Variants in RAB11FIP2 observed in about 807,000 individuals in gnomAD.
RAB11FIP2 encodes rab11 family-interacting protein 2.
RAB11FIP2 carries 16 observed loss-of-function variants against 40.9 expected under a neutral mutation model. The observed-to-expected ratio is 0.39, with a 90% CI of 0.26 to 0.59. The LOEUF (loss-of-function observed/expected upper bound fraction) is 0.59. Ranked by LOEUF, RAB11FIP2 falls within the 20% of genes least tolerant of loss-of-function variation. The probability of loss-of-function intolerance (pLI) is 0.53; values close to 1 mark genes in which losing one functional copy is unlikely to be tolerated. For missense variants in RAB11FIP2, 532 were observed against 606.2 expected, an observed-to-expected ratio of 0.88 and a Z score of 1.28; for synonymous variants, 228 against 213.7, an observed-to-expected ratio of 1.07 and a Z score of -0.58.
At chr10:118,020,254 C>T (rs1002680898) in intron 3 of RAB11FIP2, among the ~76,000 whole-genome samples, 39 of 152,194 alleles carry the variant, frequency 2.6e-4, no homozygotes, top group African/African-American at 9.4e-4. Context: ...TCTAAACTGT[C>T]AGTTCTACTG....
Position 118,007,027 on chromosome 10 carries a change from T to C in RAB11FIP2, c.*1971A>G, listed in dbSNP as rs1846098037. On this transcript the variant is annotated 3_prime_UTR_variant, in exon 5 of 5. Transcript: ENST00000355624. ...TTGGCCAAAGCATATTATTATAGTA[T>C]CTGCAGATACTGTCATAATACTGAA... The C allele has an allele frequency of 6.6e-6, 1 of 152,430 alleles. No individual in the cohort carries two copies. Among genetic ancestry groups the C allele is most frequent in the Non-Finnish European group, 1.5e-5 (1 of 67,924 alleles). The allele number at this position is 152,430 out of a possible 1,614,324, so 9.4% of individuals were successfully genotyped here.
Position 118,038,954 on chromosome 10 carries a change from C to T in RAB11FIP2, c.1265+18G>A. ...AAGATTTTCCCAAATAGTAGAACTT[C>T]CCCCATATTAAGCTTACCTTGAAGA... On this transcript the variant is annotated intron_variant, in intron 3 of 4. Coordinates refer to ENST00000355624, the MANE Select transcript of RAB11FIP2 (RefSeq NM_014904.3). The T allele has an allele frequency of 2.0e-6, 3 of 1,496,838 alleles. No individual in the cohort carries two copies. The highest frequency in any genetic ancestry group is 2.7e-6 in the Non-Finnish European group (3 of 1,108,532). 92.7% of individuals were successfully genotyped at this position (1,496,838 alleles called of 1,614,324 possible). A position where few individuals can be genotyped will look rare whatever the true frequency, so the allele number is the denominator to read the frequency against.
chr10:118,046,116 C>A lies in RAB11FIP2; in HGVS notation c.48G>T (p.Gln16His). Residue 16 changes from glutamine (Q) to histidine (H), a missense_variant, in exon 1 of 5, where the codon CAG becomes CAT. Physicochemically the swap from Gln to His is conservative, Grantham distance 24. Coordinates refer to ENST00000355624, the MANE Select transcript of RAB11FIP2 (RefSeq NM_014904.3). ...QAQKWFPTHV[Q>H]VTVLQAKDLK... ...GATCTTTGGCTTGGAGCACTGTGAC[C>A]TGCACGTGGGTTGGAAACCACTTTT... is the stretch of plus-strand genomic sequence containing the variant. The A allele has an allele frequency of 6.2e-7, 1 of 1,614,212 alleles. No homozygotes were observed. Among genetic ancestry groups the A allele is most frequent in the African/African-American group, 1.3e-5 (1 of 75,056 alleles).
intron 3 of RAB11FIP2, among the ~76,000 whole-genome samples, chr10:118,025,036 T>C (rs1265097422): frequency 6.6e-6 from 1 of 152,292 alleles, no homozygotes; most frequent in Non-Finnish European, 1.5e-5. Context: ...TAGAAGCAAC[T>C]GCTGGCATGA....
rs369962975 is a variant in RAB11FIP2 at position 118,015,096 on chromosome 10, G to C, written c.1280C>G (p.Pro427Arg). 54 of 1,608,642 alleles carry C rather than the reference G, an allele frequency of 3.4e-5. No homozygotes were observed. In the Middle Eastern group the frequency reaches 4.9e-4, roughly 15 times the overall value. The change falls in exon 4 of 5, where the codon CCA (proline) becomes CGA (arginine). Residue 427 changes from proline (P) to arginine (R), a missense_variant. Coordinates refer to ENST00000355624, the MANE Select transcript of RAB11FIP2 (RefSeq NM_014904.3). The part of the protein sequence containing the change: ...IMPSSSFHMS[P>R]TSNEDLRKIP... ...TTTCCTGAGGTCTTCATTGCTTGTT[G>C]GACTCATATGAAAACTAATAAAACA...
intron 3 of RAB11FIP2, among the ~76,000 whole-genome samples, chr10:118,038,022 T>C (rs1846504337): frequency 6.6e-6 from 1 of 151,984 alleles, no homozygotes; most frequent in African/African-American, 2.4e-5. Flanking sequence ...CATTACTATA[T>C]TGTTATTTCT....
At chr10:118,025,968 T>C (rs1846338004) in intron 3 of RAB11FIP2, among the ~76,000 whole-genome samples, 1 of 152,220 alleles carries the variant, frequency 6.6e-6, no homozygotes, top group Non-Finnish European at 1.5e-5. Flanking sequence ...ACATTCTATA[T>C]CTACCTGCTT....
chr10:118,013,534 T>C (rs1457570267), intron 4 of RAB11FIP2, among the ~76,000 whole-genome samples: 1 of 152,126 alleles, frequency 6.6e-6, no homozygotes, highest in Non-Finnish European at 1.5e-5. Context: ...GAACTTAATG[T>C]AAATTACTTC....
chr10:118,020,318 T>C (rs1344972730), intron 3 of RAB11FIP2, among the ~76,000 whole-genome samples: 1 of 152,224 alleles, frequency 6.6e-6, no homozygotes, highest in African/African-American at 2.4e-5. Context: ...ATGAGGCTTC[T>C]TCCAATCAGA....
chr10:118,022,003 G>C (rs564169387), intron 3 of RAB11FIP2, among the ~76,000 whole-genome samples: 1 of 152,278 alleles, frequency 6.6e-6, no homozygotes, highest in Non-Finnish European at 1.5e-5. Flanking sequence ...ACAAATGTCT[G>C]ATCAAAATCT....
At chr10:118,021,161 A>G (rs939804041) in intron 3 of RAB11FIP2, among the ~76,000 whole-genome samples, 3 of 152,114 alleles carry the variant, frequency 2.0e-5, no homozygotes, top group Non-Finnish European at 2.9e-5. Flanking sequence ...TTGTGTTCAA[A>G]ATTATTTTCC....
chr10:118,037,504 T>A (rs887389858), intron 3 of RAB11FIP2, among the ~76,000 whole-genome samples: 2 of 152,112 alleles, frequency 1.3e-5, no homozygotes, highest in Admixed American at 1.3e-4. Flanking sequence ...GCACTGTTTT[T>A]TAGTAAAATA....
In RAB11FIP2 at chr10:118,015,087, T is replaced by A. The variant is rs58533443; in HGVS notation, c.1289A>T (p.Asn430Ile). 0.015 allele frequency: 24,379 copies of A among 1,610,222 alleles called. 1,172 individuals carry two copies. The East Asian group carries it at 0.19, about 12-fold the overall frequency. Residue 430 changes from asparagine to isoleucine, a missense_variant, in exon 4 of 5, where the codon AAT becomes ATT. Physicochemically the swap from Asn to Ile is moderately radical, Grantham distance 149. Transcript: ENST00000355624. ...SSSFHMSPTS[N>I]EDLRKIPDSN... ...TACCGGGATTTTCCTGAGGTCTTCA[T>A]TGCTTGTTGGACTCATATGAAAACT...
intron 3 of RAB11FIP2, among the ~76,000 whole-genome samples, chr10:118,025,950 T>C (rs928183130): frequency 7.9e-5 from 12 of 152,218 alleles, no homozygotes; most frequent in Non-Finnish European, 1.5e-5. Context: ...ACTAGGACAA[T>C]TAATTACACA....
At chr10:118,030,333 G>A (rs1056486118) in intron 3 of RAB11FIP2, among the ~76,000 whole-genome samples, 3 of 152,112 alleles carry the variant, frequency 2.0e-5, no homozygotes, top group African/African-American at 7.2e-5. Context: ...AACCTCAAGA[G>A]GGCTTACATG....
intron 3 of RAB11FIP2, among the ~76,000 whole-genome samples, chr10:118,022,253 CTGACCA>C (rs1250396537): frequency 6.6e-6 from 1 of 152,226 alleles, no homozygotes; most frequent in Non-Finnish European, 1.5e-5. Context: ...TGCTACCTTT[CTGACCA>C]TAAGACCAAA....
At chr10:118,033,070 T>C (rs906867740) in intron 3 of RAB11FIP2, among the ~76,000 whole-genome samples, 24 of 151,952 alleles carry the variant, frequency 1.6e-4, no homozygotes, top group African/African-American at 5.6e-4. Context: ...TAGGTATATA[T>C]GTATAGAAAA....
At position 118,040,237 on chromosome 10, in the gene RAB11FIP2, T is replaced by C. The variant is rs370503323; in HGVS notation, c.682A>G (p.Met228Val). ...ATATGGGACCCAGATAAATCAGACA[T>C]TGAATGCGCTGACGAGAGTCGCTGA... ...GPQRLSSAHS[M>V]SDLSGSHMSS... is the part of the protein sequence containing the mutation. The change falls in exon 2 of 5, where the codon ATG becomes GTG. Residue 228 changes from methionine (M) to valine (V), a missense_variant. Transcript: ENST00000355624. 3.8e-5 allele frequency: 62 copies of C among 1,613,790 alleles called. No homozygotes were observed. Among genetic ancestry groups the C allele is most frequent in the South Asian group, 4.4e-5 (4 of 91,070 alleles).
chr10:118,035,032 C>T (rs1189459699), intron 3 of RAB11FIP2, among the ~76,000 whole-genome samples: 2 of 152,128 alleles, frequency 1.3e-5, no homozygotes, highest in Non-Finnish European at 2.9e-5. Flanking sequence ...GTAATGCATA[C>T]TGCACTAGGC....
Sources: gnomAD v4.1 joint callset for allele counts (sites outside exome capture counted in the v4.1 genomes callset) on GRCh38, gnomAD v4.1.1 for gene constraint, MANE v1.5 for transcripts, NCBI Gene and HGNC (gene_info 2026-07-23, HGNC 2026-07-21) for gene names.